The following HIPK2 variants were observed in gnomAD, a reference collection of about 807,000 sequenced individuals.
HIPK2 encodes homeodomain interacting protein kinase 2.
A neutral mutation model predicts 113.7 loss-of-function variants in HIPK2; 27 were observed. The ratio of observed to expected loss-of-function variants is 0.24; its 90% CI spans 0.17 to 0.33. The LOEUF (loss-of-function observed/expected upper bound fraction) is 0.33. Among genes scored for constraint, HIPK2 ranks in the 10% least tolerant of loss-of-function variants. The pLI is 1.00. For synonymous variants in HIPK2, 631 were observed against 642.2 expected, an observed-to-expected ratio of 0.98 and a Z score of 0.26; for missense variants, 1,257 against 1,588.0, an observed-to-expected ratio of 0.79 and a Z score of 3.54.
intron 6 of HIPK2, among the ~76,000 whole-genome samples, chr7:139,620,792 T>G (rs1464928586): frequency 6.6e-6 from 1 of 152,190 alleles, no homozygotes; most frequent in African/African-American, 2.4e-5. Flanking sequence ...CCTACTACCC[T>G]TTCTCCATAT....
At chr7:139,685,525 G>A (rs1042781640) in intron 2 of HIPK2, among the ~76,000 whole-genome samples, 2 of 152,200 alleles carry the variant, frequency 1.3e-5, no homozygotes, top group Non-Finnish European at 2.9e-5. Flanking sequence ...TAGGACTTTC[G>A]TAGCTAGAGG....
rs140566358 is a variant in HIPK2 at position 139,604,396 on chromosome 7, T to C, written c.2113-173A>G. 4.6e-3 allele frequency: 1,920 copies of C among 419,696 alleles called. 13 individuals are homozygous for C. The highest frequency in any genetic ancestry group is 5.8e-3 in the Non-Finnish European group (1,814 of 312,872). 26.0% of individuals were successfully genotyped at this position (419,696 alleles called of 1,614,324 possible). The stretch of plus-strand genomic sequence containing the variant: ...AGTAAGGGGAGATAAACAATGAACA[T>C]ACAGGCCGGGTGCAGTGGCTCACGC... On this transcript the variant is annotated intron_variant, in intron 9 of 14. Coordinates refer to ENST00000406875, the MANE Select transcript of HIPK2 (RefSeq NM_022740.5).
In HIPK2 at chr7:139,725,620, C is replaced by G. The variant is rs73733202; in HGVS notation, c.20-8605G>C. ...AAATACTCAGAGAGCTGGGGGGAAG[C>G]CCAACCATGAGAGCTGCTCATCTAA... On this transcript the variant is annotated intron_variant, in intron 1 of 14. Coordinates refer to ENST00000406875, the MANE Select transcript of HIPK2 (RefSeq NM_022740.5). Among the ~76,000 whole-genome samples, 922 of 152,324 alleles carry G rather than the reference C, an allele frequency of 6.1e-3. 14 individuals carry two copies. Among genetic ancestry groups the G allele is most frequent in the African/African-American group, 0.021 (875 of 41,564 alleles).
chr7:139,766,633 G>C (rs1419113761), intron 1 of HIPK2, among the ~76,000 whole-genome samples: 5 of 152,176 alleles, frequency 3.3e-5, no homozygotes, highest in Non-Finnish European at 7.4e-5. Flanking sequence ...CAAGAAGCAG[G>C]GTGGCCTGCC....
chr7:139,706,038 G>A (rs1425617755), intron 2 of HIPK2, among the ~76,000 whole-genome samples: 1 of 152,134 alleles, frequency 6.6e-6, no homozygotes, highest in Non-Finnish European at 1.5e-5. Context: ...GAGGCCCCGG[G>A]GATGATGCTG....
intron 1 of HIPK2, among the ~76,000 whole-genome samples, chr7:139,751,521 T>C (rs1395628672): frequency 7.5e-6 from 1 of 132,936 alleles, no homozygotes; most frequent in East Asian, 2.3e-4. Flanking sequence ...TTCCCTTATT[T>C]GATGAATGAT....
chr7:139,621,279 G>T (rs370187872), intron 6 of HIPK2, among the ~76,000 whole-genome samples: 10 of 152,156 alleles, frequency 6.6e-5, no homozygotes, highest in African/African-American at 2.2e-4. Context: ...AGGGAGGTAG[G>T]GAGTTTGCCA....
chr7:139,664,674 TG>T (rs1047124608), intron 2 of HIPK2, among the ~76,000 whole-genome samples: 6 of 152,324 alleles, frequency 3.9e-5, no homozygotes, highest in Middle Eastern at 6.8e-3. Flanking sequence ...TCTCTTCTTT[TG>T]GTAGTGAGTG....
In HIPK2 at chr7:139,638,656, CTT is replaced by C. The variant is rs1184555180; in HGVS notation, c.1104-6933_1104-6932del. Among the ~76,000 whole-genome samples the C allele has an allele frequency of 1.6e-3, 208 of 130,196 alleles. 1 individual carries two copies. The highest frequency in any genetic ancestry group is 5.0e-3 in the African/African-American group (165 of 32,922). The allele number at this position is 130,196 out of a possible 152,430, so 85.4% of individuals were successfully genotyped here. On this transcript the variant is annotated intron_variant, in intron 2 of 14. Transcript: ENST00000406875. ...CTGGAGAAAGAGAGTAAATAATTGT[CTT>C]TTTTTTTTTTTTTTTTTGAGACAGA...
chr7:139,623,155 T>C (rs375326354), intron 6 of HIPK2, among the ~76,000 whole-genome samples: 9 of 152,246 alleles, frequency 5.9e-5, no homozygotes, highest in African/African-American at 1.9e-4. Context: ...CCAAGTCTGC[T>C]TTTCTTCTTC....
chr7:139,694,455 C>T (rs916289549), intron 2 of HIPK2, among the ~76,000 whole-genome samples: 4 of 152,024 alleles, frequency 2.6e-5, no homozygotes, highest in African/African-American at 9.7e-5. Flanking sequence ...CAAGGCAGGA[C>T]CAAAGGCACG....
At chr7:139,645,995 T>C (rs1156533706) in intron 2 of HIPK2, among the ~76,000 whole-genome samples, 1 of 152,160 alleles carries the variant, frequency 6.6e-6, no homozygotes, top group African/African-American at 2.4e-5. Flanking sequence ...ACTCAACTTT[T>C]CTTAAAGGAG....
At chr7:139,680,169 C>T (rs1347496518) in intron 2 of HIPK2, among the ~76,000 whole-genome samples, 1 of 152,194 alleles carries the variant, frequency 6.6e-6, no homozygotes, top group Non-Finnish European at 1.5e-5. Flanking sequence ...TTTCAAGTCA[C>T]TCAGGGACAC....
chr7:139,720,983 T>C (rs1434766908), intron 1 of HIPK2, among the ~76,000 whole-genome samples: 1 of 152,126 alleles, frequency 6.6e-6, no homozygotes, highest in Non-Finnish European at 1.5e-5. Flanking sequence ...GGTCATAAAA[T>C]TGTGGAAATC....
chr7:139,673,521 AG>A (rs1271015255), intron 2 of HIPK2, among the ~76,000 whole-genome samples: 2 of 152,138 alleles, frequency 1.3e-5, no homozygotes, highest in African/African-American at 4.8e-5. Context: ...CTGGAGGCTG[AG>A]GGCTGTCATA....
chr7:139,596,030 A>G (rs1312777208), intron 12 of HIPK2, among the ~76,000 whole-genome samples: 1 of 152,192 alleles, frequency 6.6e-6, no homozygotes, highest in Non-Finnish European at 1.5e-5. Context: ...CAGGAGGCCA[A>G]CTGTTCTAGA....
intron 2 of HIPK2, among the ~76,000 whole-genome samples, chr7:139,697,177 T>C (rs1249543566): frequency 6.6e-6 from 1 of 152,130 alleles, no homozygotes; most frequent in Non-Finnish European, 1.5e-5. Context: ...TGGCCTGGCT[T>C]TACCTCCTGC....
At chr7:139,670,683 A>G (rs560407207) in intron 2 of HIPK2, among the ~76,000 whole-genome samples, 162 of 151,086 alleles carry the variant, frequency 1.1e-3, no homozygotes, top group Non-Finnish European at 1.3e-3. Flanking sequence ...GTGTGTAGCT[A>G]CCACCTTTGC....
At chr7:139,574,199 C>T (rs1798411429) in intron 14 of HIPK2, among the ~76,000 whole-genome samples, 1 of 152,096 alleles carries the variant, frequency 6.6e-6, no homozygotes, top group Non-Finnish European at 1.5e-5. Flanking sequence ...TTGGCTCTCA[C>T]AACATCTCTA....
Sources: gnomAD v4.1 joint callset for allele counts (sites outside exome capture counted in the v4.1 genomes callset) on GRCh38, gnomAD v4.1.1 for gene constraint, MANE v1.5 for transcripts, NCBI Gene and HGNC (gene_info 2026-07-23, HGNC 2026-07-21) for gene names.